UTRN: variants seen among roughly 807,000 people sequenced by gnomAD.
UTRN encodes the protein dystrophin-related protein 1.
Under a neutral mutation model 463.9 loss-of-function variants are expected in UTRN, and 283 were observed. That is an observed-to-expected ratio of 0.61 (90% CI 0.55 to 0.67). The LOEUF (loss-of-function observed/expected upper bound fraction) is 0.67. Among genes scored for constraint, UTRN ranks in the 30% least tolerant of loss-of-function variants. The probability of loss-of-function intolerance (pLI) is 0.00; values close to 1 mark genes in which losing one functional copy is unlikely to be tolerated. For missense variants in UTRN, 3,922 were observed against 4,084.3 expected (o/e 0.96, Z 1.08); for synonymous variants, 1,442 against 1,431.5 (o/e 1.01, Z -0.17).
chr6:144,300,009 G>C (rs1584190332), intron 2 of UTRN, among the ~76,000 whole-genome samples: 1 of 151,952 alleles, frequency 6.6e-6, no homozygotes, highest in East Asian at 1.9e-4. Flanking sequence ...ATGTGAAGAT[G>C]AATTAAAGAG....
chr6:144,404,445 G>A (rs144552674), intron 3 of UTRN, among the ~76,000 whole-genome samples: 1,783 of 152,294 alleles, frequency 0.012, 35 homozygotes, highest in Middle Eastern at 0.037. Flanking sequence ...ATTTTCCAGA[G>A]AATGTAGTTT....
chr6:144,595,799 C>G (rs936069464), intron 51 of UTRN, among the ~76,000 whole-genome samples: 1 of 152,154 alleles, frequency 6.6e-6, no homozygotes, highest in Admixed American at 6.5e-5. Flanking sequence ...TCTGGTAAAT[C>G]TCAAGTGGCT....
intron 51 of UTRN, among the ~76,000 whole-genome samples, chr6:144,587,874 C>T (rs989246665): frequency 6.6e-6 from 1 of 152,120 alleles, no homozygotes; most frequent in Admixed American, 6.5e-5. Context: ...CTCTAGTCTG[C>T]AAGTTAGAAT....
At chr6:144,370,395 T>C (rs1396458573) in intron 2 of UTRN, among the ~76,000 whole-genome samples, 2 of 152,216 alleles carry the variant, frequency 1.3e-5, no homozygotes, top group African/African-American at 4.8e-5. Flanking sequence ...GGGAGGCTTA[T>C]GCATGGTGTT....
At chr6:144,598,330 A>G (rs1437936850) in intron 51 of UTRN, among the ~76,000 whole-genome samples, 1 of 152,210 alleles carries the variant, frequency 6.6e-6, no homozygotes, top group Non-Finnish European at 1.5e-5. Context: ...AGATTTTCTG[A>G]TTGGCAGTTG....
Position 144,846,043 on chromosome 6 carries a change from T to C in UTRN, c.10271-762T>C, listed in dbSNP as rs9376863. 4.5e-3 allele frequency among the ~76,000 whole-genome samples: 679 copies of C among 152,110 alleles called. 20 individuals are homozygous for C. In the East Asian group the frequency reaches 0.066, roughly 15 times the overall value. On this transcript the variant is annotated intron_variant, in intron 73 of 74. Transcript: ENST00000367545. ...TGCCATTACTGGGGGACAGATCTCC[T>C]CTTTTCCCCCCAGCATTGAGAACGA...
At chr6:144,828,919 A>G (rs1780425810) in intron 69 of UTRN, 64 bp downstream of exon 69, 2 of 1,545,876 alleles carry the variant, frequency 1.3e-6, no homozygotes, top group Admixed American at 1.7e-5. Context: ...GCTGTCAGAA[A>G]CAATCTTCAC....
At chr6:144,397,187 T>C (rs948711772) in intron 2 of UTRN, among the ~76,000 whole-genome samples, 1 of 151,810 alleles carries the variant, frequency 6.6e-6, no homozygotes, top group African/African-American at 2.4e-5. Flanking sequence ...GAGGTTGCAG[T>C]GAGCCAAGAT....
chr6:144,789,344 G>A, intron 62 of UTRN, 65 bp downstream of exon 62: 1 of 1,325,728 alleles, frequency 7.5e-7, no homozygotes, highest in Non-Finnish European at 1.0e-6. Context: ...ACAATTTATT[G>A]GAAACTTAAA....
intron 51 of UTRN, among the ~76,000 whole-genome samples, chr6:144,665,926 C>A (rs1004490207): frequency 2.6e-5 from 4 of 152,158 alleles, no homozygotes; most frequent in Non-Finnish European, 2.9e-5. Context: ...GAATATCTTG[C>A]CATGGCCCCT....
intron 39 of UTRN, among the ~76,000 whole-genome samples, chr6:144,518,154 T>C (rs1795789889): frequency 6.6e-6 from 1 of 152,182 alleles, no homozygotes; most frequent in South Asian, 2.1e-4. Context: ...GACTAATGAT[T>C]TTCTCCCATG....
In UTRN at chr6:144,523,051, G is replaced by A. The variant is rs115230292; in HGVS notation, c.5769G>A (p.Gln1923=). The change falls in exon 41 of 75, where the codon CAG becomes CAA. Residue 1923 remains glutamine (Q), a synonymous_variant. Transcript: ENST00000367545. ...ACCAACTGGACAAACTTGGAGAGCAGATTGCAGTCATTCATGAAAAACAGC... is the reference window on the plus strand; with the variant it reads ...ACCAACTGGACAAACTTGGAGAGCAAATTGCAGTCATTCATGAAAAACAGC... The part of the protein sequence containing the change: ...IKDQLDKLGE[Q]IAVIHEKQPD... 1.4e-5 allele frequency: 22 copies of A among 1,612,548 alleles called. No homozygotes were observed. In the East Asian group the frequency reaches 4.5e-4, roughly 33 times the overall value.
Position 144,836,303 on chromosome 6 carries a change from A to C in UTRN, c.9827A>C (p.Asn3276Thr). 6.2e-7 allele frequency: 1 copy of C among 1,614,128 alleles called. No homozygotes were observed. The highest frequency in any genetic ancestry group is 8.5e-7 in the Non-Finnish European group (1 of 1,179,978). ...GTTTCTCCCTCTTTCTGTATTAGAAATCTACAGGTGGAGTATGAGCAGCTG... is the reference window on the plus strand; with the variant it reads ...GTTTCTCCCTCTTTCTGTATTAGAACTCTACAGGTGGAGTATGAGCAGCTG... ...IIADLEEEQRNLQVEYEQLKD... is the reference protein window; with the variant it reads ...IIADLEEEQRTLQVEYEQLKD... The change falls in exon 71 of 75, where the codon AAT becomes ACT. Residue 3276 changes from asparagine (N) to threonine (T), a missense_variant and splice_region_variant. By Grantham distance (65) the Asn-to-Thr change is moderately conservative. This residue lies in a region of UTRN where 1,309 missense variants were observed against 1,452.6 expected (regional missense o/e 0.90). Coordinates refer to ENST00000367545, the MANE Select transcript of UTRN (RefSeq NM_007124.3).
chr6:144,752,289 A>G (rs986754471), intron 56 of UTRN, among the ~76,000 whole-genome samples: 1 of 151,158 alleles, frequency 6.6e-6, no homozygotes, highest in South Asian at 2.1e-4. Flanking sequence ...TCTTACTTTC[A>G]TCATGTATTT....
chr6:144,669,617 A>G (rs1447848063), intron 51 of UTRN, among the ~76,000 whole-genome samples: 1 of 152,132 alleles, frequency 6.6e-6, no homozygotes, highest in Non-Finnish European at 1.5e-5. Context: ...TTTGGGGGGA[A>G]CAGGTGATGT....
chr6:144,782,154 G>T, intron 61 of UTRN, 31 bp downstream of exon 61: 7 of 1,513,186 alleles, frequency 4.6e-6, no homozygotes, highest in South Asian at 3.8e-5. Context: ...ATTAAAATAC[G>T]ATCACTGAAT....
At chr6:144,720,329 T>C (rs1280537478) in intron 53 of UTRN, among the ~76,000 whole-genome samples, 3 of 152,226 alleles carry the variant, frequency 2.0e-5, no homozygotes, top group Admixed American at 6.5e-5. Context: ...TCCAAGACCA[T>C]TAAAGGAGGA....
intron 65 of UTRN, among the ~76,000 whole-genome samples, chr6:144,816,733 CTT>C (rs35967778): frequency 7.6e-6 from 1 of 132,094 alleles, no homozygotes. Flanking sequence ...AGCTTTTTTC[CTT>C]TTTTTTTTTT....
At chr6:144,675,828 T>C (rs981008529) in intron 51 of UTRN, among the ~76,000 whole-genome samples, 1 of 152,186 alleles carries the variant, frequency 6.6e-6, no homozygotes, top group Non-Finnish European at 1.5e-5. Flanking sequence ...GGAGCGAAAG[T>C]TCACGGTGTG....
Sources: gnomAD v4.1 joint callset for allele counts (sites outside exome capture counted in the v4.1 genomes callset) on GRCh38, gnomAD v4.1.1 for gene constraint, gnomAD v4.1.1 regional missense constraint, MANE v1.5 for transcripts, NCBI Gene and HGNC (gene_info 2026-07-23, HGNC 2026-07-21) for gene names.